Variants in PMFBP1 observed in about 807,000 individuals in gnomAD.
PMFBP1 encodes the protein polyamine modulated factor 1 binding protein 1.
Under a neutral mutation model 137.8 loss-of-function variants are expected in PMFBP1, and 131 were observed. The observed-to-expected ratio is 0.95, with a 90% CI of 0.82 to 1.10. The LOEUF (loss-of-function observed/expected upper bound fraction) is 1.10. Among genes scored for constraint, PMFBP1 ranks in the 50% least tolerant of loss-of-function variants. The probability of loss-of-function intolerance (pLI) is 0.00; values close to 1 mark genes in which losing one functional copy is unlikely to be tolerated. For missense variants in PMFBP1, 1,199 were observed against 1,175.4 expected (o/e 1.02, Z -0.29); for synonymous variants, 490 against 450.4 (o/e 1.09, Z -1.11).
chr16:72,133,000 A>G lies in PMFBP1; in HGVS notation c.1204-9T>C. On this transcript the variant is annotated splice_polypyrimidine_tract_variant and intron_variant, in intron 9 of 20. Transcript: ENST00000237353. ...TCTTTCTCTTGGAGGAACTGAAGAC[A>G]GCAAAATGCAAATGCTGGGAAAGGT... 1.2e-6 allele frequency: 2 copies of G among 1,613,768 alleles called. No homozygotes were observed. Among genetic ancestry groups the G allele is most frequent in the Non-Finnish European group, 1.7e-6 (2 of 1,179,872 alleles).
At chr16:72,203,094 A>T in the PMFBP1 span, among the ~76,000 whole-genome samples, 13 of 152,318 alleles carry the variant, frequency 8.5e-5, no homozygotes, top group African/African-American at 3.1e-4. Flanking sequence ...AGTTCTTTGC[A>T]AAAAGCTAGG....
the PMFBP1 span, among the ~76,000 whole-genome samples, chr16:72,190,715 C>T: frequency 1.3e-5 from 2 of 152,010 alleles, no homozygotes; most frequent in East Asian, 1.9e-4. Context: ...ATGAAGAAGA[C>T]TGAGCCTCAG....
chr16:72,196,277 T>C, the PMFBP1 span, among the ~76,000 whole-genome samples: 1 of 151,982 alleles, frequency 6.6e-6, no homozygotes, highest in East Asian at 1.9e-4. Context: ...CTTCAAAGAG[T>C]TGGGTGTCTG....
At chr16:72,130,985 T>C (rs937564983) in intron 10 of PMFBP1, among the ~76,000 whole-genome samples, 1 of 152,206 alleles carries the variant, frequency 6.6e-6, no homozygotes, top group African/African-American at 2.4e-5. Context: ...ATTCTGTCAC[T>C]GGGGACAAAT....
At chr16:72,155,876 C>G (rs2042973259) in intron 3 of PMFBP1, among the ~76,000 whole-genome samples, 1 of 152,162 alleles carries the variant, frequency 6.6e-6, no homozygotes. Context: ...TCCTCCAGCT[C>G]CAGGCAACCA....
At chr16:72,236,164 T>C in the PMFBP1 span, among the ~76,000 whole-genome samples, 1 of 152,320 alleles carries the variant, frequency 6.6e-6, no homozygotes, top group African/African-American at 2.4e-5. Flanking sequence ...GGAATTTTTC[T>C]ACTATTCCTA....
At chr16:72,169,279 A>G (rs1231237799) in intron 2 of PMFBP1, among the ~76,000 whole-genome samples, 1 of 152,162 alleles carries the variant, frequency 6.6e-6, no homozygotes, top group Non-Finnish European at 1.5e-5. Context: ...GAATCATGAA[A>G]CCTTAAAAAC....
chr16:72,224,307 G>T, the PMFBP1 span, among the ~76,000 whole-genome samples: 1 of 152,154 alleles, frequency 6.6e-6, no homozygotes, highest in South Asian at 2.1e-4. Flanking sequence ...GCCTCTTCCT[G>T]AGTTTCCCTC....
chr16:72,158,021 G>A (rs2043008282), intron 3 of PMFBP1, among the ~76,000 whole-genome samples: 2 of 152,206 alleles, frequency 1.3e-5, no homozygotes, highest in Non-Finnish European at 2.9e-5. Context: ...GCTGGGACCT[G>A]AAAGACAAAA....
At chr16:72,148,291 G>A (rs1426383146) in intron 5 of PMFBP1, among the ~76,000 whole-genome samples, 1 of 140,378 alleles carries the variant, frequency 7.1e-6, no homozygotes, top group African/African-American at 2.6e-5. Context: ...AACACCGCAT[G>A]TTCTCACTCA....
Position 72,142,160 on chromosome 16 carries a change from G to A in PMFBP1, c.637-1578C>T, listed in dbSNP as rs370167451. Among the ~76,000 whole-genome samples the A allele has an allele frequency of 8.5e-5, 13 of 152,246 alleles. No homozygotes were observed. The East Asian group carries it at 2.1e-3, about 25-fold the overall frequency. Reference sequence around the variant, plus strand: ...CCTTCTGTGAGCAAGCTGCAGGAAGGCCAGGCAGAAATCTAAAATTGACTG... The same window carrying A: ...CCTTCTGTGAGCAAGCTGCAGGAAGACCAGGCAGAAATCTAAAATTGACTG... On this transcript the variant is annotated intron_variant, in intron 5 of 20. Transcript: ENST00000237353.
At chr16:72,163,507 C>G (rs2144495936) in intron 3 of PMFBP1, among the ~76,000 whole-genome samples, 1 of 152,360 alleles carries the variant, frequency 6.6e-6, no homozygotes, top group African/African-American at 2.4e-5. Context: ...ATCAGTGCTA[C>G]TGAGTGTCTT....
the PMFBP1 span, among the ~76,000 whole-genome samples, chr16:72,182,980 T>C: frequency 6.6e-6 from 1 of 152,064 alleles, no homozygotes; most frequent in Non-Finnish European, 1.5e-5. Context: ...GGGAGGGGAC[T>C]GGGTCCTCAG....
chr16:72,129,164 C>A lies in PMFBP1; in HGVS notation c.1852G>T (p.Asp618Tyr). 6.2e-7 allele frequency: 1 copy of A among 1,614,210 alleles called. No homozygotes were observed. Residue 618 changes from aspartate (D) to tyrosine (Y), a missense_variant, in exon 13 of 21, where the codon GAC becomes TAC. Coordinates refer to ENST00000237353, the MANE Select transcript of PMFBP1 (RefSeq NM_031293.3). ...DLQEATKLLE[D>Y]KREQLKKSKE... ...CTCTTCTTCAACTGCTCCCGTTTGT[C>A]CTCCAGAAGCTTTGTGGCCTCCTGA...
chr16:72,173,338 C>T (rs1027920636), upstream of PMFBP1, among the ~76,000 whole-genome samples: 3 of 152,296 alleles, frequency 2.0e-5, no homozygotes, highest in Admixed American at 6.5e-5. Flanking sequence ...TGCAGGCAAG[C>T]CCACTGGATA....
At chr16:72,245,541 C>T in the PMFBP1 span, among the ~76,000 whole-genome samples, 4 of 152,192 alleles carry the variant, frequency 2.6e-5, no homozygotes, top group Admixed American at 6.5e-5. Context: ...TGCCTGAATT[C>T]GTGCTGCATA....
chr16:72,133,457 G>A (rs775358413), intron 9 of PMFBP1, among the ~76,000 whole-genome samples: 9 of 152,056 alleles, frequency 5.9e-5, no homozygotes, highest in Non-Finnish European at 1.3e-4. Flanking sequence ...GGGATTACAG[G>A]TCTGAGCCAC....
At chr16:72,179,216 A>C (rs2043268470), upstream of PMFBP1, among the ~76,000 whole-genome samples, 1 of 152,174 alleles carries the variant, frequency 6.6e-6, no homozygotes, top group Admixed American at 6.5e-5. Context: ...CTTTGTGATA[A>C]CTTCAGCTCT....
the PMFBP1 span, among the ~76,000 whole-genome samples, chr16:72,214,467 G>A: frequency 1.1e-4 from 16 of 152,154 alleles, no homozygotes; most frequent in Non-Finnish European, 1.6e-4. Context: ...GAGCCACTGC[G>A]TGGAGCCACT....
Sources: allele counts gnomAD v4.1 joint callset (sites outside exome capture counted in the v4.1 genomes callset), GRCh38; gene constraint gnomAD v4.1.1; transcripts MANE v1.5; gene names NCBI Gene and HGNC (gene_info 2026-07-23, HGNC 2026-07-21).